PRKACB: variants seen among roughly 807,000 people sequenced by gnomAD.
PRKACB encodes cAMP-dependent protein kinase catalytic subunit beta.
PRKACB carries 16 observed loss-of-function variants against 51.4 expected under a neutral mutation model. That is an observed-to-expected ratio of 0.31 (90% CI 0.21 to 0.47). PRKACB has a LOEUF of 0.47. PRKACB is among the 20% of genes least tolerant of loss of function. The pLI, the probability that PRKACB is intolerant of heterozygous loss-of-function variation, is 1.00. For synonymous variants in PRKACB, 147 were observed against 154.4 expected (o/e 0.95, Z 0.35); for missense variants, 309 against 464.5 (o/e 0.67, Z 3.08).
intron 1 of PRKACB, among the ~76,000 whole-genome samples, chr1:84,098,089 A>G (rs964375417): frequency 1.1e-4 from 16 of 152,090 alleles, no homozygotes; most frequent in Admixed American, 3.9e-4. Flanking sequence ...CTGATGATTA[A>G]TCATGTTGAA....
At chr1:84,086,863 CTG>C (rs1197264363) in intron 1 of PRKACB, among the ~76,000 whole-genome samples, 3 of 152,200 alleles carry the variant, frequency 2.0e-5, no homozygotes, top group Admixed American at 1.3e-4. Context: ...AGCCTTGACT[CTG>C]TAAGGCTCGA....
intron 1 of PRKACB, among the ~76,000 whole-genome samples, chr1:84,168,926 T>A (rs577356990): frequency 2.0e-4 from 30 of 151,662 alleles, no homozygotes; most frequent in African/African-American, 7.2e-4. Flanking sequence ...AGGAATCCTA[T>A]AGTCCTGGCC....
rs1253067065 is a variant in PRKACB, at chr1:84,165,098, T to C, written c.188-14079T>C. On this transcript the variant is annotated intron_variant, in intron 1 of 9. Transcript: ENST00000370685. The stretch of plus-strand genomic sequence containing the variant: ...AAAAATATTTTTAAAGGGACAGTTA[T>C]AAAGCCACAGCTACTGTGAATTATA... 5 of 1,082,334 alleles carry C rather than the reference T, an allele frequency of 4.6e-6. No homozygotes were observed. In the African/African-American group the frequency reaches 4.8e-5, roughly 10 times the overall value. 67.0% of individuals were successfully genotyped at this position (1,082,334 alleles called of 1,614,324 possible). A position where few individuals can be genotyped will look rare whatever the true frequency, so the allele number is the denominator to read the frequency against.
chr1:84,138,846 G>C (rs1172945682), intron 1 of PRKACB, among the ~76,000 whole-genome samples: 1 of 151,726 alleles, frequency 6.6e-6, no homozygotes, highest in Non-Finnish European at 1.5e-5. Flanking sequence ...GACCAAAAGG[G>C]GTTCATTCTG....
At chr1:84,194,788 A>C (rs1263627963) in intron 5 of PRKACB, among the ~76,000 whole-genome samples, 2 of 151,988 alleles carry the variant, frequency 1.3e-5, no homozygotes, top group African/African-American at 2.4e-5. Context: ...AATACAAAAA[A>C]TTAGCTGGGC....
chr1:84,083,293 GATAA>G (rs1397252000), intron 1 of PRKACB, among the ~76,000 whole-genome samples: 1 of 152,186 alleles, frequency 6.6e-6, no homozygotes, highest in Non-Finnish European at 1.5e-5. Context: ...CAATTTTGAT[GATAA>G]ATACATATGA....
At chr1:84,190,931 G>A (rs1343611815) in intron 5 of PRKACB, among the ~76,000 whole-genome samples, 1 of 151,884 alleles carries the variant, frequency 6.6e-6, no homozygotes, top group Admixed American at 6.6e-5. Context: ...GTCCTTATAG[G>A]TGAGATGGGT....
At chr1:84,106,241 G>A (rs973265601) in intron 1 of PRKACB, among the ~76,000 whole-genome samples, 1 of 152,116 alleles carries the variant, frequency 6.6e-6, no homozygotes, top group Non-Finnish European at 1.5e-5. Flanking sequence ...AGTCAACATA[G>A]TGTTGGAAGT....
upstream of PRKACB, chr1:84,078,114 CGCCGCCGCT>C (rs1248775593): frequency 1.1e-5 from 5 of 471,000 alleles, no homozygotes; most frequent in Non-Finnish European, 1.4e-5. Context: ...CCGCCGCCGC[CGCCGCCGCT>C]GCTGCTGCCG....
chr1:84,080,484 A>C (rs569302548), intron 1 of PRKACB, among the ~76,000 whole-genome samples: 13 of 152,264 alleles, frequency 8.5e-5, no homozygotes, highest in Admixed American at 7.2e-4. Flanking sequence ...GTAGTTTAAA[A>C]AGCTGTTGTG....
At chr1:84,214,879 T>G (rs1672672616) in intron 9 of PRKACB, among the ~76,000 whole-genome samples, 1 of 152,214 alleles carries the variant, frequency 6.6e-6, no homozygotes, top group Non-Finnish European at 1.5e-5. Flanking sequence ...CTATCTATGC[T>G]TGTTACGCTT....
chr1:84,184,493 C>T (rs1267746964), intron 4 of PRKACB, among the ~76,000 whole-genome samples: 2 of 151,840 alleles, frequency 1.3e-5, no homozygotes, highest in African/African-American at 4.8e-5. Context: ...ATCTCATCTT[C>T]TTTTACTTAG....
At chr1:84,202,661 C>T (rs1158070660) in intron 7 of PRKACB, 22 bp from the exon 8 acceptor site, 3 of 1,573,486 alleles carry the variant, frequency 1.9e-6, no homozygotes, top group Non-Finnish European at 2.6e-6. Context: ...TAACAATTGA[C>T]ATTGGTGTTG....
intron 1 of PRKACB, among the ~76,000 whole-genome samples, chr1:84,172,838 A>G (rs1043004524): frequency 1.3e-5 from 2 of 151,712 alleles, no homozygotes; most frequent in African/African-American, 4.8e-5. Context: ...TTCATTGCCT[A>G]TTAAACTTCC....
At chr1:84,191,800 A>G (rs1558199690) in intron 5 of PRKACB, among the ~76,000 whole-genome samples, 1 of 152,112 alleles carries the variant, frequency 6.6e-6, no homozygotes, top group Admixed American at 6.6e-5. Flanking sequence ...CCCATGTAGC[A>G]AACCTGCACA....
chr1:84,219,450 C>T (rs1424875281), intron 9 of PRKACB, among the ~76,000 whole-genome samples: 1 of 151,934 alleles, frequency 6.6e-6, no homozygotes. Flanking sequence ...GTCTCGAACT[C>T]CTGACCTGCC....
At chr1:84,110,889 G>A (rs1403573514) in intron 1 of PRKACB, among the ~76,000 whole-genome samples, 1 of 151,904 alleles carries the variant, frequency 6.6e-6, no homozygotes, top group Non-Finnish European at 1.5e-5. Context: ...CCAGAATTTT[G>A]GGTGTCATCT....
intron 9 of PRKACB, among the ~76,000 whole-genome samples, chr1:84,220,316 C>T (rs1019833896): frequency 7.2e-5 from 11 of 151,750 alleles, no homozygotes; most frequent in Non-Finnish European, 7.4e-5. Flanking sequence ...GTATTCTGCA[C>T]CTTTACTTAT....
At chr1:84,222,909 T>C (rs1385924961) in intron 9 of PRKACB, among the ~76,000 whole-genome samples, 2 of 152,204 alleles carry the variant, frequency 1.3e-5, no homozygotes, top group Non-Finnish European at 2.9e-5. Context: ...CCCTTATATG[T>C]GACTTGATGC....
Sources: allele counts gnomAD v4.1 joint callset (sites outside exome capture counted in the v4.1 genomes callset), GRCh38; gene constraint gnomAD v4.1.1; transcripts MANE v1.5; gene names NCBI Gene and HGNC (gene_info 2026-07-23, HGNC 2026-07-21).